Variants in GALNTL6 observed in about 807,000 individuals in gnomAD.
GALNTL6 encodes the protein polypeptide N-acetylgalactosaminyltransferase-like 6.
In GALNTL6, 46 loss-of-function variants were observed where a neutral mutation model predicts 73.7. The ratio of observed to expected loss-of-function variants is 0.62; its 90% CI spans 0.49 to 0.80. GALNTL6 has a LOEUF of 0.80. Ranked by LOEUF, GALNTL6 falls within the 30% of genes least tolerant of loss-of-function variation. The probability of loss-of-function intolerance (pLI) is 0.00; values close to 1 mark genes in which losing one functional copy is unlikely to be tolerated. For synonymous variants in GALNTL6, 259 were observed against 263.7 expected (o/e 0.98, Z 0.17); for missense variants, 604 against 755.0 (o/e 0.80, Z 2.34).
At chr4:172,903,432 A>G (rs964207666) in intron 8 of GALNTL6, among the ~76,000 whole-genome samples, 14 of 152,312 alleles carry the variant, frequency 9.2e-5, no homozygotes, top group African/African-American at 2.9e-4. Flanking sequence ...TTAACTCTGC[A>G]GAAAAAGGCA....
At chr4:172,584,576 T>C (rs1445436769) in intron 5 of GALNTL6, among the ~76,000 whole-genome samples, 1 of 152,158 alleles carries the variant, frequency 6.6e-6, no homozygotes, top group Non-Finnish European at 1.5e-5. Context: ...ACGTTGTGAT[T>C]AAATGGACAT....
At chr4:172,202,405 A>G (rs1389994028) in intron 2 of GALNTL6, among the ~76,000 whole-genome samples, 2 of 152,210 alleles carry the variant, frequency 1.3e-5, no homozygotes, top group Non-Finnish European at 2.9e-5. Flanking sequence ...GGAATATCTC[A>G]ATATGTTTAT....
rs575271914 is a variant in GALNTL6 at position 172,678,825 on chromosome 4, T to C, written c.554-130536T>C. Among the ~76,000 whole-genome samples, 10 of 152,314 alleles carry C rather than the reference T, an allele frequency of 6.6e-5. No individual in the cohort carries two copies. The South Asian group carries it at 1.7e-3, about 25-fold the overall frequency. ...TCTAGCTCTAGCGATGTTGAAAATA[T>C]ATTCTCCCACCAATGTTGAAAATAT... On this transcript the variant is annotated intron_variant, in intron 5 of 12. Coordinates refer to ENST00000506823, the MANE Select transcript of GALNTL6 (RefSeq NM_001034845.3).
chr4:172,824,023 C>T (rs1490964873), intron 7 of GALNTL6, among the ~76,000 whole-genome samples: 2 of 151,994 alleles, frequency 1.3e-5, no homozygotes, highest in African/African-American at 4.8e-5. Flanking sequence ...TGCTCGAGAG[C>T]AGGGCTGGGA....
chr4:172,473,824 A>G (rs1322134269), intron 5 of GALNTL6, among the ~76,000 whole-genome samples: 3 of 152,154 alleles, frequency 2.0e-5, no homozygotes, highest in African/African-American at 7.2e-5. Flanking sequence ...TCTCAAATTG[A>G]TATCTCCATT....
chr4:172,981,796 CTTTTTTT>C (rs56273122), intron 10 of GALNTL6, among the ~76,000 whole-genome samples: 7 of 101,808 alleles, frequency 6.9e-5, no homozygotes, highest in African/African-American at 1.9e-4. Flanking sequence ...GTATGAACGT[CTTTTTTT>C]TTTTTTTTTT....
intron 5 of GALNTL6, among the ~76,000 whole-genome samples, chr4:172,710,414 G>A (rs1173474933): frequency 1.3e-5 from 2 of 152,108 alleles, no homozygotes; most frequent in Admixed American, 1.3e-4. Context: ...AGTTAAAATA[G>A]CTATGTCTTA....
chr4:172,833,057 A>AGT (rs916643950), intron 7 of GALNTL6, among the ~76,000 whole-genome samples: 3 of 118,194 alleles, frequency 2.5e-5, no homozygotes, highest in South Asian at 2.9e-4. Flanking sequence ...ATATGGTGAG[A>AGT]GTGTGTGTGT....
At chr4:172,985,079 G>A (rs1465086555) in intron 10 of GALNTL6, among the ~76,000 whole-genome samples, 2 of 152,068 alleles carry the variant, frequency 1.3e-5, no homozygotes, top group African/African-American at 4.8e-5. Context: ...TTCAGCCAGG[G>A]GGCTACCTGT....
At chr4:172,340,367 T>C (rs964150031) in intron 4 of GALNTL6, among the ~76,000 whole-genome samples, 1 of 152,196 alleles carries the variant, frequency 6.6e-6, no homozygotes, top group African/African-American at 2.4e-5. Flanking sequence ...GTATGATCAT[T>C]TTAATGTTCT....
chr4:171,909,589 G>T (rs1392165567), intron 2 of GALNTL6, among the ~76,000 whole-genome samples: 5 of 152,068 alleles, frequency 3.3e-5, no homozygotes, highest in Admixed American at 6.6e-5. Flanking sequence ...ATGTAACTGA[G>T]GACGGTAGAA....
At chr4:171,904,321 C>A (rs374507165) in intron 2 of GALNTL6, among the ~76,000 whole-genome samples, 2 of 151,924 alleles carry the variant, frequency 1.3e-5, no homozygotes, top group African/African-American at 4.8e-5. Context: ...AGCTGAAAAC[C>A]AAGGCTCGAG....
intron 8 of GALNTL6, among the ~76,000 whole-genome samples, chr4:172,926,116 G>A (rs980586507): frequency 6.6e-6 from 1 of 152,138 alleles, no homozygotes; most frequent in Non-Finnish European, 1.5e-5. Context: ...TGCCAGCATT[G>A]TTGGGTTCTG....
chr4:172,425,848 G>A (rs1731210524), intron 5 of GALNTL6, among the ~76,000 whole-genome samples: 1 of 152,026 alleles, frequency 6.6e-6, no homozygotes, highest in African/African-American at 2.4e-5. Flanking sequence ...ACCATTCTAT[G>A]CATATGTTAG....
At chr4:172,610,725 T>C (rs1738494133) in intron 5 of GALNTL6, among the ~76,000 whole-genome samples, 1 of 152,076 alleles carries the variant, frequency 6.6e-6, no homozygotes, top group African/African-American at 2.4e-5. Context: ...GTTGAGTTTA[T>C]GTCCTGAATA....
chr4:172,003,481 T>G (rs1467265675), intron 2 of GALNTL6, among the ~76,000 whole-genome samples: 1 of 152,174 alleles, frequency 6.6e-6, no homozygotes. Context: ...GTTCCTCACG[T>G]TTCTCTTAAT....
At chr4:172,595,695 T>C (rs576430135) in intron 5 of GALNTL6, among the ~76,000 whole-genome samples, 10 of 152,330 alleles carry the variant, frequency 6.6e-5, no homozygotes, top group African/African-American at 2.4e-4. Flanking sequence ...TTTTTCCAAT[T>C]TCATCAGAGT....
intron 2 of GALNTL6, among the ~76,000 whole-genome samples, chr4:171,853,184 A>G (rs1735573325): frequency 6.6e-6 from 1 of 151,582 alleles, no homozygotes; most frequent in Non-Finnish European, 1.5e-5. Context: ...GTTAAAGGGT[A>G]CTCTTCTCTG....
At chr4:172,983,231 C>T (rs1332789798) in intron 10 of GALNTL6, among the ~76,000 whole-genome samples, 1 of 152,142 alleles carries the variant, frequency 6.6e-6, no homozygotes, top group East Asian at 1.9e-4. Context: ...CCACCAGAGG[C>T]AAAGAACGTA....
Sources: allele counts gnomAD v4.1 joint callset (sites outside exome capture counted in the v4.1 genomes callset), GRCh38; gene constraint gnomAD v4.1.1; transcripts MANE v1.5; gene names NCBI Gene and HGNC (gene_info 2026-07-23, HGNC 2026-07-21).